Variants in GJD2 observed in about 807,000 individuals in gnomAD.
The protein encoded by GJD2 is gap junction protein delta 2.
GJD2 carries 12 observed loss-of-function variants against 24.3 expected under a neutral mutation model. The ratio of observed to expected loss-of-function variants is 0.49; its 90% CI spans 0.32 to 0.80. The LOEUF is 0.80. GJD2 is among the 30% of genes least tolerant of loss of function. The pLI, the probability that GJD2 is intolerant of heterozygous loss-of-function variation, is 0.04. For synonymous variants in GJD2, 171 were observed against 155.2 expected, an observed-to-expected ratio of 1.10 and a Z score of -0.76; for missense variants, 268 against 402.4, an observed-to-expected ratio of 0.67 and a Z score of 2.86.
At position 34,754,401 on chromosome 15, in the gene GJD2, C is replaced by G; in HGVS notation, c.71+17G>C. The G allele has an allele frequency of 6.2e-7, 1 of 1,610,364 alleles. No homozygotes were observed. The highest frequency in any genetic ancestry group is 1.1e-5 in the South Asian group (1 of 90,978). ...CCGCCCGACGGGGCCCCCTGACCGCCGGCTTGGCGCCCTTACCTCCCGATC... is the reference window on the plus strand; with the variant it reads ...CCGCCCGACGGGGCCCCCTGACCGCGGGCTTGGCGCCCTTACCTCCCGATC... On this transcript the variant is annotated intron_variant, in intron 1 of 1. Coordinates refer to ENST00000290374, the MANE Select transcript of GJD2 (RefSeq NM_020660.3). This position sits in a 1 kb window ranked among gnomAD's most constrained non-coding sequence, Gnocchi z 5.9.
In GJD2 at chr15:34,752,271, A is replaced by G. The variant is rs906965774; in HGVS notation, c.*207T>C. ...TTGATCCATTTCATCACTCTACCCA[A>G]TCGTCTCTGTAGAACCAATTAGGTG... On this transcript the variant is annotated 3_prime_UTR_variant, in exon 2 of 2. Transcript: ENST00000290374. 64 of 584,654 alleles carry G rather than the reference A, an allele frequency of 1.1e-4. 1 individual carries two copies. The highest frequency in any genetic ancestry group is 9.0e-4 in the Middle Eastern group (2 of 2,212). The allele number at this position is 584,654 out of a possible 1,614,324, so 36.2% of individuals were successfully genotyped here. A position where few individuals can be genotyped will look rare whatever the true frequency, so the allele number is the denominator to read the frequency against.
In GJD2 at chr15:34,754,320, G is replaced by A. The variant is rs1891153885; in HGVS notation, c.71+98C>T. ...GGACGATGGGGAGGAGGCAGAGGAC[G>A]GACTGGGGATTGGAGCGGGAGACTC... On this transcript the variant is annotated intron_variant, in intron 1 of 1. Transcript: ENST00000290374. This position sits in a 1 kb window ranked among gnomAD's most constrained non-coding sequence, Gnocchi z 5.9. The A allele has an allele frequency of 1.2e-6, 1 of 842,236 alleles. No individual in the cohort carries two copies. The highest frequency in any genetic ancestry group is 2.0e-6 in the Non-Finnish European group (1 of 493,612). 52.2% of individuals were successfully genotyped at this position (842,236 alleles called of 1,614,324 possible).
Position 34,752,935 on chromosome 15 carries a change from T to C in GJD2, c.509A>G (p.Glu170Gly). Residue 170 changes from glutamate to glycine, a missense_variant, in exon 2 of 2, where the codon GAG (glutamate) becomes GGG (glycine). Physicochemically the swap from Glu to Gly is moderately conservative, Grantham distance 98. This residue lies in a region of GJD2 where 115 missense variants were observed against 195.2 expected (regional missense o/e 0.59). Coordinates refer to ENST00000290374, the MANE Select transcript of GJD2 (RefSeq NM_020660.3). ...TGGGTGTGGAGTCAGCTCCTTAACC[T>C]CTAAACAATCTGGCTCTGTCTCCTT... is the stretch of plus-strand genomic sequence containing the variant. ...TSKETEPDCL[E>G]VKELTPHPSG... 2 of 1,614,144 alleles carry C rather than the reference T, an allele frequency of 1.2e-6. No homozygotes were observed. Among genetic ancestry groups the C allele is most frequent in the Non-Finnish European group, 8.5e-7 (1 of 1,180,010 alleles).
Position 34,754,736 on chromosome 15 carries a change from C to T in GJD2, c.-248G>A. 1 of 401,004 alleles carries T rather than the reference C, an allele frequency of 2.5e-6. No individual in the cohort carries two copies. The highest frequency in any genetic ancestry group is 4.5e-6 in the Non-Finnish European group (1 of 221,828). The allele number at this position is 401,004 out of a possible 1,614,324, so 24.8% of individuals were successfully genotyped here. ...CGCGGTCTAGAGAGAGGGCACGAAC[C>T]TCGGGCGCCGTCCGGGGTTCGGGTC... On this transcript the variant is annotated 5_prime_UTR_variant, in exon 1 of 2. Coordinates refer to ENST00000290374, the MANE Select transcript of GJD2 (RefSeq NM_020660.3). The surrounding 1 kb of genome is among the most constrained non-coding windows in gnomAD (Gnocchi z 5.9).
Position 34,752,325 on chromosome 15 carries a change from C to T in GJD2, c.*153G>A. 1.5e-6 allele frequency: 1 copy of T among 666,826 alleles called. No individual in the cohort carries two copies. Among genetic ancestry groups the T allele is most frequent in the Non-Finnish European group, 2.5e-6 (1 of 395,236 alleles). 41.3% of individuals were successfully genotyped at this position (666,826 alleles called of 1,614,324 possible). The stretch of plus-strand genomic sequence containing the variant: ...TGTGAAAATGGGTCCACTTTTCCTC[C>T]TTTCCCATTGGTGCAAAATCTTCTT... On this transcript the variant is annotated 3_prime_UTR_variant, in exon 2 of 2. Coordinates refer to ENST00000290374, the MANE Select transcript of GJD2 (RefSeq NM_020660.3).
chr15:34,754,675 GA>G lies in GJD2; in HGVS notation c.-188del, dbSNP rs1211914874. 2 of 596,904 alleles carry G rather than the reference GA, an allele frequency of 3.4e-6. No homozygotes were observed. Among genetic ancestry groups the G allele is most frequent in the East Asian group, 5.8e-5 (2 of 34,458 alleles). 37.0% of individuals were successfully genotyped at this position (596,904 alleles called of 1,614,324 possible). ...ACTTAAAAGAGAAGAAATGGGGAAA[GA>G]AATCCAAGCGCGTCCCGACCGATGG... is the stretch of plus-strand genomic sequence containing the variant. On this transcript the variant is annotated 5_prime_UTR_variant, in exon 1 of 2. Transcript: ENST00000290374. This position sits in a 1 kb window ranked among gnomAD's most constrained non-coding sequence, Gnocchi z 5.9.
chr15:34,753,458 T>G, intron 1 of GJD2, 86 bp from the exon 2 acceptor site: 1 of 1,255,946 alleles, frequency 8.0e-7, no homozygotes, highest in African/African-American at 1.5e-5. Context: ...CCTTTGCTGG[T>G]GTTTACCAGT....
rs1278333715 is a variant in GJD2, at chr15:34,752,552, G to A, written c.892C>T (p.Arg298Cys). The part of the protein sequence containing the change: ...QAKRKSIYEI[R>C]NKDLPRVSVP... Reference sequence around the variant, plus strand: ...CTGACCCTTGGCAGGTCCTTGTTACGAATCTCATAGATTGACTTTCTCTTG... The same window carrying A: ...CTGACCCTTGGCAGGTCCTTGTTACAAATCTCATAGATTGACTTTCTCTTG... The change falls in exon 2 of 2, where the codon CGT becomes TGT. Residue 298 changes from arginine (R) to cysteine (C), a missense_variant. Arg to Cys is a radical substitution (Grantham distance 180, BLOSUM62 -3). Transcript: ENST00000290374. 2 of 1,614,146 alleles carry A rather than the reference G, an allele frequency of 1.2e-6. No individual in the cohort carries two copies. Among genetic ancestry groups the A allele is most frequent in the East Asian group, 2.2e-5 (1 of 44,880 alleles).
chr15:34,752,265 TA>T lies in GJD2; in HGVS notation c.*212del, dbSNP rs1891114530. Reference sequence around the variant, plus strand: ...GTCTAATTGATCCATTTCATCACTCTACCCAATCGTCTCTGTAGAACCAATT... The same window carrying T: ...GTCTAATTGATCCATTTCATCACTCTCCCAATCGTCTCTGTAGAACCAATT... On this transcript the variant is annotated 3_prime_UTR_variant, in exon 2 of 2. Coordinates refer to ENST00000290374, the MANE Select transcript of GJD2 (RefSeq NM_020660.3). The T allele has an allele frequency of 1.7e-6, 1 of 578,132 alleles. No homozygotes were observed. The highest frequency in any genetic ancestry group is 1.9e-5 in the African/African-American group (1 of 53,730). 35.8% of individuals were successfully genotyped at this position (578,132 alleles called of 1,614,324 possible). A position where few individuals can be genotyped will look rare whatever the true frequency, so the allele number is the denominator to read the frequency against.
rs1307133162 is a variant in GJD2, at chr15:34,751,389, A to ATGTG, written c.*1088_*1089insCACA. On this transcript the variant is annotated 3_prime_UTR_variant, in exon 2 of 2. Coordinates refer to ENST00000290374, the MANE Select transcript of GJD2 (RefSeq NM_020660.3). ...CCAGTAATTTTGTATGTGTGTCTGT[A>ATGTG]TATGTGTGTGTGTTTCAAAGAGTAA... 4 of 152,178 alleles carry ATGTG rather than the reference A, an allele frequency of 2.6e-5. No individual in the cohort carries two copies. The highest frequency in any genetic ancestry group is 5.9e-5 in the Non-Finnish European group (4 of 68,026). 9.4% of individuals were successfully genotyped at this position (152,178 alleles called of 1,614,324 possible).
In GJD2 at chr15:34,753,305, C is replaced by A; in HGVS notation, c.139G>T (p.Asp47Tyr). The A allele has an allele frequency of 6.2e-7, 1 of 1,613,232 alleles. No individual in the cohort carries two copies. The highest frequency in any genetic ancestry group is 8.5e-7 in the Non-Finnish European group (1 of 1,179,838). ...CACACAAACATGGTCTGCTCATCAT[C>A]GTACACCGTCTCCCCCACAATGGCC... ...IVAIVGETVY[D>Y]DEQTMFVCNT... Residue 47 changes from aspartate to tyrosine, a missense_variant, in exon 2 of 2, where the codon GAT becomes TAT. Asp to Tyr is a radical substitution (Grantham distance 160). Coordinates refer to ENST00000290374, the MANE Select transcript of GJD2 (RefSeq NM_020660.3).
chr15:34,753,020 C>T lies in GJD2; in HGVS notation c.424G>A (p.Asp142Asn). The T allele has an allele frequency of 3.1e-6, 5 of 1,614,168 alleles. No individual in the cohort carries two copies. In the South Asian group the frequency reaches 3.3e-5, roughly 11 times the overall value. ...GGGSGGGKRE[D>N]KKLQNAIVNG... ...ACAATAGCATTTTGCAACTTCTTAT[C>T]TTCTCGTTTGCCCCCACCACTGCCC... The change falls in exon 2 of 2, where the codon GAT becomes AAT. Residue 142 changes from aspartate to asparagine, a missense_variant. By Grantham distance (23) the Asp-to-Asn change is conservative. Around this residue, in one of 3 missense-constraint regions of GJD2, gnomAD observed 87 missense variants for 77.8 expected, o/e 1.12. Transcript: ENST00000290374.
intron 1 of GJD2, 107 bp from the exon 2 acceptor site, chr15:34,753,479 G>A (rs893870115): frequency 9.8e-6 from 10 of 1,016,408 alleles, no homozygotes; most frequent in Non-Finnish European, 1.3e-5. Flanking sequence ...CTTTTGACTG[G>A]GGAGCTGTCC....
chr15:34,753,693 G>A (rs114602912), intron 1 of GJD2, among the ~76,000 whole-genome samples: 255 of 152,128 alleles, frequency 1.7e-3, no homozygotes, highest in African/African-American at 5.9e-3. Context: ...CCTTCACTCT[G>A]GATATGGCAA....
Position 34,753,391 on chromosome 15 carries a change from A to AG in GJD2, c.72-20dup, listed in dbSNP as rs752099594. Reference sequence around the variant, plus strand: ...CAGGATCCTGAACGGAGGAAGAGGGAGGGAGAGAGGTTCTCACGGGCTGCG... The same window carrying AG: ...CAGGATCCTGAACGGAGGAAGAGGGAGGGGAGAGAGGTTCTCACGGGCTGCG... On this transcript the variant is annotated intron_variant, in intron 1 of 1. Transcript: ENST00000290374. 3.2e-4 allele frequency: 505 copies of AG among 1,572,000 alleles called. No homozygotes were observed. Among genetic ancestry groups the AG allele is most frequent in the Non-Finnish European group, 4.2e-4 (489 of 1,160,320 alleles).
intron 1 of GJD2, among the ~76,000 whole-genome samples, chr15:34,753,765 A>T (rs1256196906): frequency 6.6e-6 from 1 of 152,176 alleles, no homozygotes; most frequent in Non-Finnish European, 1.5e-5. Flanking sequence ...GGGTGTGTAA[A>T]TAACTACTCC....
Position 34,753,053 on chromosome 15 carries a change from C to A in GJD2, c.391G>T (p.Gly131Trp). Reference sequence around the variant, plus strand: ...TTGCCCCCACCACTGCCCCCACCCCCAGTTCCTCCAGGACCTCCTATGGAC... The same window carrying A: ...TTGCCCCCACCACTGCCCCCACCCCAAGTTCCTCCAGGACCTCCTATGGAC... ...PESIGGPGGT[G>W]GGGSGGGKRE... The change falls in exon 2 of 2, where the codon GGG (glycine) becomes TGG (tryptophan). Residue 131 changes from glycine to tryptophan, a missense_variant. By Grantham distance (184) the Gly-to-Trp change is radical. Coordinates refer to ENST00000290374, the MANE Select transcript of GJD2 (RefSeq NM_020660.3). 1 of 1,614,128 alleles carries A rather than the reference C, an allele frequency of 6.2e-7. No homozygotes were observed. Among genetic ancestry groups the A allele is most frequent in the Non-Finnish European group, 8.5e-7 (1 of 1,180,030 alleles).
rs139160673 is a variant in GJD2 at position 34,754,917 on chromosome 15, G to A, written c.-429C>T. 1 of 158,466 alleles carries A rather than the reference G, an allele frequency of 6.3e-6. No homozygotes were observed. The highest frequency in any genetic ancestry group is 6.5e-5 in the Admixed American group (1 of 15,486). The allele number at this position is 158,466 out of a possible 1,614,324, so 9.8% of individuals were successfully genotyped here. A position where few individuals can be genotyped will look rare whatever the true frequency, so the allele number is the denominator to read the frequency against. The stretch of plus-strand genomic sequence containing the variant: ...CACCGGCTCTGTTCCTGCTACTTCA[G>A]CGGGCACCTGGCGCTCCGGCGCGGC... On this transcript the variant is annotated 5_prime_UTR_variant, in exon 1 of 2. Coordinates refer to ENST00000290374, the MANE Select transcript of GJD2 (RefSeq NM_020660.3). The surrounding 1 kb of genome is among the most constrained non-coding windows in gnomAD (Gnocchi z 5.9).
rs149378002 is a variant in GJD2, at chr15:34,752,747, G to A, written c.697C>T (p.Arg233Cys). The part of the protein sequence containing the change: ...FSVPGLYECN[R>C]YPCIKEVECY... The stretch of plus-strand genomic sequence containing the variant: ...TCCACCTCCTTGATGCAGGGGTAGC[G>A]GTTACACTCATACAACCCTGGGACA... Residue 233 changes from arginine to cysteine, a missense_variant, in exon 2 of 2, where the codon CGC (arginine) becomes TGC (cysteine). This residue lies in a region of GJD2 where 115 missense variants were observed against 195.2 expected (regional missense o/e 0.59). Transcript: ENST00000290374. 1.4e-5 allele frequency: 22 copies of A among 1,613,988 alleles called. No homozygotes were observed. The highest frequency in any genetic ancestry group is 1.6e-4 in the Middle Eastern group (1 of 6,084).
Sources: gnomAD v4.1 joint callset for allele counts (sites outside exome capture counted in the v4.1 genomes callset) on GRCh38, gnomAD v4.1.1 for gene constraint, gnomAD v4.1.1 regional missense constraint, Gnocchi (gnomAD v3.1) non-coding constraint, MANE v1.5 for transcripts, NCBI Gene and HGNC (gene_info 2026-07-23, HGNC 2026-07-21) for gene names.